KIAA1549: variants seen among roughly 807,000 people sequenced by gnomAD.
The protein encoded by KIAA1549 is UPF0606 protein KIAA1549.
KIAA1549 carries 70 observed loss-of-function variants against 156.4 expected under a neutral mutation model. The observed-to-expected ratio is 0.45, with a 90% CI of 0.37 to 0.55. The LOEUF is 0.55. Among genes scored for constraint, KIAA1549 ranks in the 20% least tolerant of loss-of-function variants. The probability of loss-of-function intolerance (pLI) is 0.00; values close to 1 mark genes in which losing one functional copy is unlikely to be tolerated. For missense variants in KIAA1549, 2,428 were observed against 2,540.9 expected (o/e 0.96, Z 0.96); for synonymous variants, 1,103 against 1,066.4 (o/e 1.03, Z -0.67).
At chr7:138,959,691 T>C (rs1199307909) in intron 1 of KIAA1549, among the ~76,000 whole-genome samples, 1 of 152,232 alleles carries the variant, frequency 6.6e-6, no homozygotes, top group Non-Finnish European at 1.5e-5. Context: ...AGAAGATCCA[T>C]TCATAAATCC....
intron 17 of KIAA1549, among the ~76,000 whole-genome samples, chr7:138,845,048 T>C (rs1241874135): frequency 6.6e-6 from 1 of 152,086 alleles, no homozygotes; most frequent in Non-Finnish European, 1.5e-5. Context: ...CTTTTTTTTA[T>C]CTCCAGACCT....
At chr7:138,954,627 CAAT>C (rs769689826) in intron 1 of KIAA1549, among the ~76,000 whole-genome samples, 5 of 152,062 alleles carry the variant, frequency 3.3e-5, no homozygotes, top group Non-Finnish European at 5.9e-5. Flanking sequence ...CCCCCCACAA[CAAT>C]GCCATAAGCA....
intron 1 of KIAA1549, among the ~76,000 whole-genome samples, chr7:138,925,829 C>CAAAAA (rs59066216): frequency 7.8e-4 from 35 of 44,600 alleles, no homozygotes; most frequent in African/African-American, 1.7e-3. Context: ...GATCCTGTCT[C>CAAAAA]AAAAAAAAAA....
intron 10 of KIAA1549, among the ~76,000 whole-genome samples, chr7:138,893,025 T>C (rs907735808): frequency 1.3e-5 from 2 of 152,218 alleles, no homozygotes; most frequent in East Asian, 1.9e-4. Flanking sequence ...CTGATACTTA[T>C]GCTGTACTAG....
rs1220919332 is a variant in KIAA1549 at position 138,981,205 on chromosome 7, G to A, written c.65C>T (p.Ala22Val). The A allele has an allele frequency of 2.9e-6, 3 of 1,028,886 alleles. No individual in the cohort carries two copies. The highest frequency in any genetic ancestry group is 3.5e-5 in the African/African-American group (2 of 57,866). The allele number at this position is 1,028,886 out of a possible 1,614,324, so 63.7% of individuals were successfully genotyped here. ...TCGGCCGCTCGGCCCCGGGGCCAGC[G>A]CGACCCCGGCGCGGGGCTTCCCCTC... ...AMEGKPRAGV[A>V]LAPGPSGRRP... Residue 22 changes from alanine to valine, a missense_variant, in exon 1 of 20, where the codon GCG (alanine) becomes GTG (valine). Physicochemically the swap from Ala to Val is moderately conservative, Grantham distance 64 (BLOSUM62 0). Transcript: ENST00000422774. This position sits in a 1 kb window ranked among gnomAD's most constrained non-coding sequence, Gnocchi z 4.5.
chr7:138,888,609 T>G (rs919334783), intron 10 of KIAA1549, among the ~76,000 whole-genome samples: 1 of 152,222 alleles, frequency 6.6e-6, no homozygotes, highest in African/African-American at 2.4e-5. Flanking sequence ...TTTCCTTTTG[T>G]TGTAAATTTC....
chr7:138,845,393 G>A (rs1810045365), intron 17 of KIAA1549, among the ~76,000 whole-genome samples: 1 of 152,124 alleles, frequency 6.6e-6, no homozygotes, highest in Non-Finnish European at 1.5e-5. Context: ...AAAGGAAGGA[G>A]TATTTTAATA....
At chr7:138,852,156 G>GTTT in intron 17 of KIAA1549, 67 bp downstream of exon 17, 1 of 1,089,708 alleles carries the variant, frequency 9.2e-7, no homozygotes, top group African/African-American at 1.6e-5. Context: ...AAATTAGTGA[G>GTTT]TTTATAAAGT....
chr7:138,885,115 A>C (rs1811353086), intron 10 of KIAA1549, among the ~76,000 whole-genome samples: 1 of 151,718 alleles, frequency 6.6e-6, no homozygotes, highest in South Asian at 2.1e-4. Context: ...GAATAGCTTG[A>C]ACCAGGGAGG....
In KIAA1549 at chr7:138,832,668, T is replaced by C. The variant is rs753632713; in HGVS notation, c.*5238A>G. On this transcript the variant is annotated 3_prime_UTR_variant, in exon 20 of 20. Transcript: ENST00000422774. ...CTTACTGGCTCCTAACTTTGTTTCA[T>C]GTTTCCAAAGGCATTTAATATTCTT... 2 of 215,718 alleles carry C rather than the reference T, an allele frequency of 9.3e-6. No individual in the cohort carries two copies. The highest frequency in any genetic ancestry group is 1.9e-4 in the South Asian group (1 of 5,384). 13.4% of individuals were successfully genotyped at this position (215,718 alleles called of 1,614,324 possible). A position where few individuals can be genotyped will look rare whatever the true frequency, so the allele number is the denominator to read the frequency against.
At chr7:138,872,218 A>G (rs1810956452) in intron 12 of KIAA1549, among the ~76,000 whole-genome samples, 1 of 152,168 alleles carries the variant, frequency 6.6e-6, no homozygotes, top group Admixed American at 6.5e-5. Flanking sequence ...AAGTGCTGGG[A>G]TTACAGGCAG....
chr7:138,952,661 T>C (rs893128350), intron 1 of KIAA1549, among the ~76,000 whole-genome samples: 5 of 152,236 alleles, frequency 3.3e-5, no homozygotes, highest in African/African-American at 9.6e-5. Flanking sequence ...AAAAGTTGCA[T>C]ACTCAAGTCT....
chr7:138,910,397 C>CTTT (rs200459041), intron 4 of KIAA1549, among the ~76,000 whole-genome samples: 10 of 131,012 alleles, frequency 7.6e-5, no homozygotes, highest in East Asian at 2.3e-4. Flanking sequence ...TTCTTAAATT[C>CTTT]TTTTTTTTTT....
Position 138,835,489 on chromosome 7 carries a change from GA to G in KIAA1549, c.*2416del, listed in dbSNP as rs1356949157. On this transcript the variant is annotated 3_prime_UTR_variant, in exon 20 of 20. Transcript: ENST00000422774. ...TTTACGGTCAGCCCAATTTGAAACA[GA>G]ACCCTCTTTCTGCAATGCTCAAAGG... is the stretch of plus-strand genomic sequence containing the variant. 1 of 221,072 alleles carries G rather than the reference GA, an allele frequency of 4.5e-6. No individual in the cohort carries two copies. 13.7% of individuals were successfully genotyped at this position (221,072 alleles called of 1,614,324 possible).
At position 138,834,986 on chromosome 7, in the gene KIAA1549, C is replaced by A. The variant is rs200602963; in HGVS notation, c.*2920G>T. ...AAGTAGTCTCTGAAAAAAAAAAAAA[C>A]AACATTTCTCCAAACATTCTGACTC... On this transcript the variant is annotated 3_prime_UTR_variant, in exon 20 of 20. Transcript: ENST00000422774. 1.4e-4 allele frequency: 31 copies of A among 214,912 alleles called. No homozygotes were observed. The highest frequency in any genetic ancestry group is 8.3e-4 in the Admixed American group (14 of 16,902). 13.3% of individuals were successfully genotyped at this position (214,912 alleles called of 1,614,324 possible). A position where few individuals can be genotyped will look rare whatever the true frequency, so the allele number is the denominator to read the frequency against.
intron 1 of KIAA1549, 21 bp from the exon 2 acceptor site, chr7:138,919,459 G>A (rs535943388): frequency 7.5e-6 from 12 of 1,602,950 alleles, no homozygotes; most frequent in African/African-American, 1.3e-5. Context: ...AATCAGAGCT[G>A]GGTTAGTGCA....
At chr7:138,867,159 C>T (rs184101008) in intron 15 of KIAA1549, among the ~76,000 whole-genome samples, 34 of 152,274 alleles carry the variant, frequency 2.2e-4, no homozygotes, top group South Asian at 1.9e-3. Context: ...TAAGCAAATA[C>T]GCTATCTTCT....
At chr7:138,870,967 G>A (rs989563110) in intron 13 of KIAA1549, among the ~76,000 whole-genome samples, 190 bp downstream of exon 13, 3 of 152,026 alleles carry the variant, frequency 2.0e-5, no homozygotes, top group East Asian at 1.9e-4. Context: ...ACAGGAACCC[G>A]CCACCACGCC....
intron 16 of KIAA1549, among the ~76,000 whole-genome samples, chr7:138,855,302 C>T (rs1394322383): frequency 1.3e-5 from 2 of 152,192 alleles, no homozygotes; most frequent in Non-Finnish European, 2.9e-5. Flanking sequence ...GCATCCAAGG[C>T]GTTGGACCTT....
Sources: gnomAD v4.1 joint callset for allele counts (sites outside exome capture counted in the v4.1 genomes callset) on GRCh38, gnomAD v4.1.1 for gene constraint, Gnocchi (gnomAD v3.1) non-coding constraint, MANE v1.5 for transcripts, NCBI Gene and HGNC (gene_info 2026-07-23, HGNC 2026-07-21) for gene names.